Variants in OPCML observed in about 807,000 individuals in gnomAD.
OPCML encodes the protein opioid binding protein/cell adhesion molecule like.
OPCML carries 13 observed loss-of-function variants against 37.8 expected under a neutral mutation model. The ratio of observed to expected loss-of-function variants is 0.34; its 90% CI spans 0.22 to 0.55. The LOEUF is 0.55. Among genes scored for constraint, OPCML ranks in the 20% least tolerant of loss-of-function variants. The probability of loss-of-function intolerance (pLI) is 0.91; values close to 1 mark genes in which losing one functional copy is unlikely to be tolerated. For synonymous variants in OPCML, 176 were observed against 168.8 expected (o/e 1.04, Z -0.33); for missense variants, 341 against 435.6 (o/e 0.78, Z 1.93).
intron 2 of OPCML, among the ~76,000 whole-genome samples, chr11:132,856,778 A>C (rs1942073636): frequency 6.6e-6 from 1 of 152,100 alleles, no homozygotes; most frequent in Non-Finnish European, 1.5e-5. Flanking sequence ...GCCTGCAGAC[A>C]CCCACCCCAA....
intron 1 of OPCML, among the ~76,000 whole-genome samples, chr11:133,071,282 A>ATG (rs759559624): frequency 6.6e-6 from 1 of 151,972 alleles, no homozygotes; most frequent in Admixed American, 6.6e-5. Flanking sequence ...CTGTGTGTGT[A>ATG]TGTGTGTGTG....
At chr11:132,552,967 T>C (rs529663904) in intron 3 of OPCML, among the ~76,000 whole-genome samples, 5 of 151,954 alleles carry the variant, frequency 3.3e-5, no homozygotes, top group Non-Finnish European at 7.4e-5. Context: ...TGTTTCACAG[T>C]GTTAGCCAGG....
chr11:133,204,886 A>ATATG (rs1555114219), intron 1 of OPCML, among the ~76,000 whole-genome samples: 11 of 42,604 alleles, frequency 2.6e-4, no homozygotes, highest in Non-Finnish European at 6.2e-4. Flanking sequence ...ATATATATAT[A>ATATG]TATATATATA....
chr11:133,382,509 G>A (rs1002297431), intron 1 of OPCML, among the ~76,000 whole-genome samples: 1 of 152,080 alleles, frequency 6.6e-6, no homozygotes, highest in Admixed American at 6.5e-5. Flanking sequence ...TCCTGGCCTG[G>A]GGTCACACAC....
rs147324570 is a variant in OPCML at position 132,677,270 on chromosome 11, G to C, written c.147-19951C>G. Reference sequence around the variant, plus strand: ...AGATGAACCAACTAAATGAAGAGGTGTTCCATGTTCACAAACAGGAAGACT... The same window carrying C: ...AGATGAACCAACTAAATGAAGAGGTCTTCCATGTTCACAAACAGGAAGACT... On this transcript the variant is annotated intron_variant, in intron 2 of 7. Coordinates refer to ENST00000524381, the MANE Select transcript of OPCML (RefSeq NM_001012393.5). Among the ~76,000 whole-genome samples the C allele has an allele frequency of 9.0e-3, 1,377 of 152,156 alleles. 23 individuals are homozygous for C. The highest frequency in any genetic ancestry group is 0.031 in the African/African-American group (1,306 of 41,532).
intron 1 of OPCML, among the ~76,000 whole-genome samples, chr11:133,494,806 G>A (rs1187750085): frequency 2.7e-5 from 4 of 149,710 alleles, no homozygotes; most frequent in Non-Finnish European, 1.5e-5. Flanking sequence ...CACCAACATG[G>A]CACATGTATA....
chr11:132,712,677 A>G (rs550584581), intron 2 of OPCML, among the ~76,000 whole-genome samples: 9 of 152,134 alleles, frequency 5.9e-5, no homozygotes, highest in Admixed American at 1.3e-4. Flanking sequence ...TGGCCTTCCA[A>G]TTCATCTCTG....
chr11:132,451,768 G>A (rs2096068899), intron 4 of OPCML, among the ~76,000 whole-genome samples: 1 of 152,140 alleles, frequency 6.6e-6, no homozygotes, highest in Non-Finnish European at 1.5e-5. Flanking sequence ...CATGTAGATT[G>A]GTGGAGAACA....
chr11:132,493,516 G>A (rs1029381591), intron 4 of OPCML, among the ~76,000 whole-genome samples: 15 of 152,140 alleles, frequency 9.9e-5, no homozygotes, highest in East Asian at 3.9e-4. Flanking sequence ...CACCTCCTGC[G>A]TCTCTGTCCA....
chr11:132,799,242 T>C (rs1445425237), intron 2 of OPCML, among the ~76,000 whole-genome samples: 1 of 152,208 alleles, frequency 6.6e-6, no homozygotes, highest in Admixed American at 6.5e-5. Flanking sequence ...TGCAGCCGCC[T>C]TTACCAGTGA....
chr11:133,322,460 T>C (rs930170626), intron 1 of OPCML, among the ~76,000 whole-genome samples: 1 of 152,198 alleles, frequency 6.6e-6, no homozygotes, highest in Non-Finnish European at 1.5e-5. Flanking sequence ...ACACAAATGC[T>C]TAGGTCCCAC....
intron 1 of OPCML, among the ~76,000 whole-genome samples, chr11:133,018,814 A>G (rs763459113): frequency 2.6e-5 from 4 of 152,248 alleles, no homozygotes; most frequent in African/African-American, 4.8e-5. Flanking sequence ...CCCCAGCAAC[A>G]TGCCTCAAAG....
chr11:132,956,303 G>C (rs1026419359), intron 1 of OPCML, among the ~76,000 whole-genome samples: 1 of 152,156 alleles, frequency 6.6e-6, no homozygotes, highest in Non-Finnish European at 1.5e-5. Flanking sequence ...ATCAGCTTCA[G>C]GTATTAGGAT....
At chr11:133,263,994 T>C (rs2136462560) in intron 1 of OPCML, among the ~76,000 whole-genome samples, 1 of 152,204 alleles carries the variant, frequency 6.6e-6, no homozygotes, top group East Asian at 1.9e-4. Context: ...AGTGAAGGAA[T>C]ATTATTTTAT....
chr11:132,912,136 T>G (rs965654180), intron 2 of OPCML, among the ~76,000 whole-genome samples: 1 of 149,102 alleles, frequency 6.7e-6, no homozygotes, highest in Non-Finnish European at 1.5e-5. Context: ...ATAAAAGAAA[T>G]AAAGTCCTTC....
intron 2 of OPCML, among the ~76,000 whole-genome samples, chr11:132,866,857 C>T (rs539028566): frequency 9.3e-4 from 141 of 152,326 alleles, no homozygotes; most frequent in African/African-American, 3.1e-3. Flanking sequence ...ATTTGCATCT[C>T]TGTACTTTGA....
intron 1 of OPCML, chr11:133,422,784 T>C: frequency 2.2e-6 from 2 of 903,232 alleles, no homozygotes; most frequent in Non-Finnish European, 2.6e-6. Context: ...TTATGATTTT[T>C]ATATTACAAA....
intron 1 of OPCML, among the ~76,000 whole-genome samples, chr11:132,944,883 T>G (rs1211006035): frequency 1.3e-5 from 2 of 152,338 alleles, no homozygotes; most frequent in African/African-American, 4.8e-5. Flanking sequence ...CTCAGAGCCT[T>G]TTGTTAAATT....
In OPCML at chr11:132,420,242, C is replaced by G. The variant is rs762217627; in HGVS notation, c.968G>C (p.Cys323Ser). 2.5e-6 allele frequency: 4 copies of G among 1,613,936 alleles called. No homozygotes were observed. The highest frequency in any genetic ancestry group is 3.4e-6 in the Non-Finnish European group (4 of 1,179,864). The change falls in exon 8 of 8, where the codon TGT becomes TCT. Residue 323 changes from cysteine (C) to serine (S), a missense_variant. Coordinates refer to ENST00000524381, the MANE Select transcript of OPCML (RefSeq NM_001012393.5). The stretch of plus-strand genomic sequence containing the variant: ...TAAGAGGGTCCCTGATAGCCAGAGA[C>G]AAGCCAGTGCTCTGGAGGCCGAGTT... ...GVNSASRALA[C>S]LWLSGTLLAH...
Sources: allele counts gnomAD v4.1 joint callset (sites outside exome capture counted in the v4.1 genomes callset), GRCh38; gene constraint gnomAD v4.1.1; transcripts MANE v1.5; gene names NCBI Gene and HGNC (gene_info 2026-07-23, HGNC 2026-07-21).